PDZD8: variants seen among roughly 807,000 people sequenced by gnomAD.
PDZD8 encodes PDZ domain-containing protein 8.
Under a neutral mutation model 85.8 loss-of-function variants are expected in PDZD8, and 14 were observed. The ratio of observed to expected loss-of-function variants is 0.16; its 90% CI spans 0.11 to 0.26. The LOEUF (loss-of-function observed/expected upper bound fraction) is 0.26, where lower values mean the gene tolerates loss of function less well. PDZD8 is among the 10% of genes least tolerant of loss of function. PDZD8 has a pLI of 1.00. For synonymous variants in PDZD8, 592 were observed against 568.6 expected (o/e 1.04, Z -0.59); for missense variants, 1,197 against 1,424.3 (o/e 0.84, Z 2.57).
At chr10:117,301,824 C>A (rs1480808214) in intron 3 of PDZD8, among the ~76,000 whole-genome samples, 1 of 152,132 alleles carries the variant, frequency 6.6e-6, no homozygotes, top group East Asian at 1.9e-4. Context: ...CACATTTGTT[C>A]TTGTTCATTT....
intron 1 of PDZD8, among the ~76,000 whole-genome samples, chr10:117,346,125 C>T (rs1844703187): frequency 6.6e-6 from 1 of 150,786 alleles, no homozygotes; most frequent in African/African-American, 2.4e-5. Context: ...CCTGTAATCC[C>T]AGCTACTCAG....
chr10:117,374,627 C>T lies in PDZD8; in HGVS notation c.601G>A (p.Gly201Ser). The change falls in exon 1 of 5, where the codon GGC becomes AGC. Residue 201 changes from glycine to serine, a missense_variant. Transcript: ENST00000334464. The surrounding 1 kb of genome is among the most constrained non-coding windows in gnomAD (Gnocchi z 7.8). ...AFEAEVEYNG[G>S]FHLAIDVDLV... ...TCCACGTCGATGGCCAGGTGGAAGC[C>T]CCCGTTGTACTCCACCTCCGCCTCG... 1 of 1,583,524 alleles carries T rather than the reference C, an allele frequency of 6.3e-7. No homozygotes were observed. Among genetic ancestry groups the T allele is most frequent in the Non-Finnish European group, 8.6e-7 (1 of 1,164,476 alleles).
At chr10:117,298,078 T>C (rs565695289) in intron 3 of PDZD8, among the ~76,000 whole-genome samples, 3 of 152,240 alleles carry the variant, frequency 2.0e-5, no homozygotes, top group African/African-American at 7.2e-5. Flanking sequence ...ATTCAACTTA[T>C]GTCAATCAAA....
At chr10:117,372,597 T>C (rs1205536911) in intron 1 of PDZD8, among the ~76,000 whole-genome samples, 1 of 152,204 alleles carries the variant, frequency 6.6e-6, no homozygotes. Context: ...CTGCTATAAA[T>C]AAACATCTCT....
chr10:117,373,729 G>A (rs970652323), intron 1 of PDZD8, among the ~76,000 whole-genome samples: 2 of 151,480 alleles, frequency 1.3e-5, no homozygotes, highest in Non-Finnish European at 2.9e-5. Flanking sequence ...GCAGTAAGCC[G>A]AGATCGCGCC....
At chr10:117,355,376 C>T (rs1589589170) in intron 1 of PDZD8, among the ~76,000 whole-genome samples, 1 of 152,196 alleles carries the variant, frequency 6.6e-6, no homozygotes, top group African/African-American at 2.4e-5. Flanking sequence ...TGTTTTACTA[C>T]TAGCCATACT....
intron 1 of PDZD8, among the ~76,000 whole-genome samples, chr10:117,358,019 G>GT (rs1844931092): frequency 6.6e-6 from 1 of 151,980 alleles, no homozygotes; most frequent in Admixed American, 6.6e-5. Context: ...AGGATTGGCC[G>GT]TGAGTTGACA....
At chr10:117,315,650 A>T (rs1844116844) in intron 3 of PDZD8, among the ~76,000 whole-genome samples, 1 of 151,734 alleles carries the variant, frequency 6.6e-6, no homozygotes, top group South Asian at 2.1e-4. Flanking sequence ...GGGGTAAAGC[A>T]ACTGGGTGGT....
chr10:117,374,224 C>CT lies in PDZD8; in HGVS notation c.872+131dup. 7.3e-7 allele frequency: 1 copy of CT among 1,367,062 alleles called. No individual in the cohort carries two copies. The highest frequency in any genetic ancestry group is 2.4e-5 in the East Asian group (1 of 42,478). 84.7% of individuals were successfully genotyped at this position (1,367,062 alleles called of 1,614,324 possible). A position where few individuals can be genotyped will look rare whatever the true frequency, so the allele number is the denominator to read the frequency against. ...TCACGACTCGCCTTGATCTGGGGCC[C>CT]TGTCCAGGGTGGGAAGGCCCCAGAA... is the stretch of plus-strand genomic sequence containing the variant. On this transcript the variant is annotated intron_variant, in intron 1 of 4. Transcript: ENST00000334464. The surrounding 1 kb of genome is among the most constrained non-coding windows in gnomAD (Gnocchi z 7.8).
intron 3 of PDZD8, among the ~76,000 whole-genome samples, chr10:117,306,783 AATT>A (rs1040059911): frequency 1.3e-5 from 2 of 152,116 alleles, no homozygotes; most frequent in African/African-American, 4.8e-5. Flanking sequence ...CAGATTTTCC[AATT>A]ATTAACATTT....
chr10:117,301,909 T>C (rs977364281), intron 3 of PDZD8, among the ~76,000 whole-genome samples: 1 of 152,100 alleles, frequency 6.6e-6, no homozygotes, highest in African/African-American at 2.4e-5. Flanking sequence ...ACAAACACCC[T>C]TGAGTGTAAG....
chr10:117,313,801 TACTCTGGAAGTAA>T (rs1844078659), intron 3 of PDZD8, among the ~76,000 whole-genome samples: 1 of 152,178 alleles, frequency 6.6e-6, no homozygotes, highest in East Asian at 1.9e-4. Context: ...CCCTAATCAT[TACTCTGGAAGTAA>T]ACAAAGACTC....
chr10:117,356,872 G>C (rs1271653914), intron 1 of PDZD8, among the ~76,000 whole-genome samples: 1 of 152,114 alleles, frequency 6.6e-6, no homozygotes, highest in Non-Finnish European at 1.5e-5. Flanking sequence ...AGTACACCCT[G>C]CTCCCCCTTT....
At position 117,283,661 on chromosome 10, in the gene PDZD8, G is replaced by A; in HGVS notation, c.3072C>T (p.Tyr1024=). ...TCCTTTCCTCTGTAGGCAAGCCCCT[G>A]TACAGATCACGACCAATTTCTTTAA... ...IAVKEIGRDL[Y]RGLPTEERIQ... is the part of the protein sequence containing the mutation. The change falls in exon 5 of 5, where the codon TAC becomes TAT. Residue 1024 remains tyrosine, a synonymous_variant. Transcript: ENST00000334464. 2 of 1,614,194 alleles carry A rather than the reference G, an allele frequency of 1.2e-6. No homozygotes were observed. The highest frequency in any genetic ancestry group is 1.6e-4 in the Middle Eastern group (1 of 6,062).
At chr10:117,296,570 A>G (rs1843762379) in intron 3 of PDZD8, among the ~76,000 whole-genome samples, 1 of 152,136 alleles carries the variant, frequency 6.6e-6, no homozygotes, top group Non-Finnish European at 1.5e-5. Flanking sequence ...AAGGCTTGCT[A>G]TATGTTAGAT....
intron 3 of PDZD8, among the ~76,000 whole-genome samples, chr10:117,308,860 A>G (rs1258523501): frequency 6.6e-6 from 1 of 152,170 alleles, no homozygotes; most frequent in Non-Finnish European, 1.5e-5. Flanking sequence ...TGGTTAATGC[A>G]TGTAAAATCT....
chr10:117,361,619 A>G (rs1845000008), intron 1 of PDZD8, among the ~76,000 whole-genome samples: 1 of 152,214 alleles, frequency 6.6e-6, no homozygotes, highest in Non-Finnish European at 1.5e-5. Context: ...TTAGCTAGTC[A>G]GGTGTTATCA....
chr10:117,318,331 T>C (rs1036690510), intron 3 of PDZD8, among the ~76,000 whole-genome samples: 1 of 152,186 alleles, frequency 6.6e-6, no homozygotes, highest in Non-Finnish European at 1.5e-5. Flanking sequence ...GGGAATAGCT[T>C]TGTTCACTTT....
chr10:117,332,349 A>G (rs914472161), intron 2 of PDZD8, among the ~76,000 whole-genome samples: 1 of 152,182 alleles, frequency 6.6e-6, no homozygotes, highest in African/African-American at 2.4e-5. Flanking sequence ...CTTCATTATT[A>G]TACACATTTC....
Sources: gnomAD v4.1 joint callset for allele counts (sites outside exome capture counted in the v4.1 genomes callset) on GRCh38, gnomAD v4.1.1 for gene constraint, Gnocchi (gnomAD v3.1) non-coding constraint, MANE v1.5 for transcripts, NCBI Gene and HGNC (gene_info 2026-07-23, HGNC 2026-07-21) for gene names.